BCKDHB: variants seen among roughly 807,000 people sequenced by gnomAD.
BCKDHB encodes 2-oxoisovalerate dehydrogenase subunit beta, mitochondrial.
Under a neutral mutation model 48.5 loss-of-function variants are expected in BCKDHB, and 41 were observed. That is an observed-to-expected ratio of 0.85 (90% CI 0.66 to 1.10). The LOEUF (loss-of-function observed/expected upper bound fraction) is 1.10, where lower values mean the gene tolerates loss of function less well. Among genes scored for constraint, BCKDHB ranks in the 50% least tolerant of loss-of-function variants. BCKDHB has a pLI of 0.00. For missense variants in BCKDHB, 496 were observed against 494.2 expected (o/e 1.00, Z -0.03); for synonymous variants, 201 against 174.8 (o/e 1.15, Z -1.18).
the BCKDHB span, among the ~76,000 whole-genome samples, chr6:80,457,508 GTGAGTCAC>G: frequency 1.3e-5 from 2 of 152,188 alleles, no homozygotes; most frequent in Non-Finnish European, 2.9e-5. Flanking sequence ...GTCTGTTTGG[GTGAGTCAC>G]TGAGTGTTCA....
intron 8 of BCKDHB, among the ~76,000 whole-genome samples, chr6:80,256,209 T>G (rs1777043834): frequency 6.6e-6 from 1 of 152,210 alleles, no homozygotes; most frequent in Non-Finnish European, 1.5e-5. Context: ...TACACAGTAA[T>G]GCATCACTTA....
At chr6:80,355,261 A>G in the BCKDHB span, among the ~76,000 whole-genome samples, 1 of 151,992 alleles carries the variant, frequency 6.6e-6, no homozygotes, top group Non-Finnish European at 1.5e-5. Flanking sequence ...TTAACTGGGC[A>G]TGGTGGTACA....
At chr6:80,246,601 G>A (rs1338280284) in intron 8 of BCKDHB, among the ~76,000 whole-genome samples, 1 of 152,140 alleles carries the variant, frequency 6.6e-6, no homozygotes, top group Non-Finnish European at 1.5e-5. Context: ...GGGAAAGACA[G>A]GGCAGTGTAA....
In BCKDHB at chr6:80,301,069, G is replaced by C. The variant is rs564876400; in HGVS notation, c.1038+27848G>C. Among the ~76,000 whole-genome samples, 11 of 152,004 alleles carry C rather than the reference G, an allele frequency of 7.2e-5. No homozygotes were observed. The South Asian group carries it at 1.7e-3, about 23-fold the overall frequency. On this transcript the variant is annotated intron_variant, in intron 9 of 9. Transcript: ENST00000320393. Reference sequence around the variant, plus strand: ...AGAGAAAAGTTTATAGCCCTAAAAGGCTTTCATTAAGAAGTTAGAAAGGTT... The same window carrying C: ...AGAGAAAAGTTTATAGCCCTAAAAGCCTTTCATTAAGAAGTTAGAAAGGTT...
chr6:80,341,118 C>T (rs778891799), intron 9 of BCKDHB, among the ~76,000 whole-genome samples: 3 of 152,094 alleles, frequency 2.0e-5, no homozygotes, highest in Admixed American at 6.5e-5. Context: ...ATATCCTATT[C>T]GTAGTCTTCT....
intron 6 of BCKDHB, among the ~76,000 whole-genome samples, chr6:80,192,815 T>G (rs1187822516): frequency 7.7e-6 from 1 of 129,186 alleles, no homozygotes. Context: ...TGATTTATAT[T>G]TGCCAACTTT....
intron 6 of BCKDHB, among the ~76,000 whole-genome samples, chr6:80,195,526 T>C (rs1312980717): frequency 2.6e-5 from 4 of 152,224 alleles, no homozygotes. Context: ...TAGTTGATTA[T>C]CAGTTTTATA....
intron 6 of BCKDHB, among the ~76,000 whole-genome samples, chr6:80,181,618 T>C (rs1773416278): frequency 6.6e-6 from 1 of 152,190 alleles, no homozygotes; most frequent in Non-Finnish European, 1.5e-5. Context: ...GCTGATAGGC[T>C]TTGGTCTATC....
intron 9 of BCKDHB, among the ~76,000 whole-genome samples, chr6:80,287,523 G>A (rs1207012727): frequency 6.6e-6 from 1 of 151,504 alleles, no homozygotes; most frequent in African/African-American, 2.4e-5. Flanking sequence ...AGCTCAGCTA[G>A]GTCCAGGTTC....
chr6:80,236,659 C>CTCT (rs1223393805), intron 8 of BCKDHB, among the ~76,000 whole-genome samples: 1 of 152,084 alleles, frequency 6.6e-6, no homozygotes, highest in East Asian at 1.9e-4. Context: ...GTAACTGGCC[C>CTCT]CAAGACACAT....
chr6:80,347,306 G>A (rs1450059992), downstream of BCKDHB, among the ~76,000 whole-genome samples: 1 of 152,170 alleles, frequency 6.6e-6, no homozygotes, highest in East Asian at 1.9e-4. Flanking sequence ...CAACAAGTTT[G>A]GAAAAGATTT....
At chr6:80,124,923 T>G (rs187796245) in intron 1 of BCKDHB, among the ~76,000 whole-genome samples, 1 of 152,270 alleles carries the variant, frequency 6.6e-6, no homozygotes, top group Admixed American at 6.5e-5. Context: ...GAATGGTGAA[T>G]GAACATTGGC....
At chr6:80,300,969 TA>T (rs1020464677) in intron 9 of BCKDHB, among the ~76,000 whole-genome samples, 1 of 151,638 alleles carries the variant, frequency 6.6e-6, no homozygotes, top group African/African-American at 2.4e-5. Flanking sequence ...TTGTCAGAAA[TA>T]AAAAAAATTA....
chr6:80,319,743 T>C (rs1198009614), intron 9 of BCKDHB, among the ~76,000 whole-genome samples: 1 of 152,230 alleles, frequency 6.6e-6, no homozygotes, highest in African/African-American at 2.4e-5. Context: ...CTTCTGTAAA[T>C]TATGCATGTA....
chr6:80,346,458 T>C (rs985284249), downstream of BCKDHB, among the ~76,000 whole-genome samples: 1 of 152,216 alleles, frequency 6.6e-6, no homozygotes, highest in Non-Finnish European at 1.5e-5. Flanking sequence ...ACAGAACTTC[T>C]AGAATGTTTC....
the BCKDHB span, among the ~76,000 whole-genome samples, chr6:80,378,873 C>G: frequency 4.7e-4 from 72 of 152,084 alleles, no homozygotes; most frequent in African/African-American, 1.7e-3. Flanking sequence ...TTGCATTTCT[C>G]TGATGGTTAG....
chr6:80,410,859 G>A, the BCKDHB span, among the ~76,000 whole-genome samples: 1 of 152,084 alleles, frequency 6.6e-6, no homozygotes, highest in South Asian at 2.1e-4. Flanking sequence ...TTTTTTCAAG[G>A]TTTTTAGCTT....
intron 9 of BCKDHB, among the ~76,000 whole-genome samples, chr6:80,282,043 A>G (rs970755001): frequency 5.9e-5 from 9 of 152,188 alleles, no homozygotes; most frequent in Admixed American, 5.9e-4. Context: ...GATTTTAAAA[A>G]CAATGACAAA....
intron 3 of BCKDHB, among the ~76,000 whole-genome samples, chr6:80,142,957 C>A (rs1364728268): frequency 6.6e-6 from 1 of 151,952 alleles, no homozygotes; most frequent in Non-Finnish European, 1.5e-5. Flanking sequence ...ACATTTCTAC[C>A]AAATTTCTCA....
Sources: gnomAD v4.1 joint callset for allele counts (sites outside exome capture counted in the v4.1 genomes callset) on GRCh38, gnomAD v4.1.1 for gene constraint, MANE v1.5 for transcripts, NCBI Gene and HGNC (gene_info 2026-07-23, HGNC 2026-07-21) for gene names.